Variants in PHYH observed in about 807,000 individuals in gnomAD.
PHYH encodes the protein phytanoyl-CoA 2-hydroxylase, also known as phytanoyl-CoA dioxygenase, peroxisomal.
PHYH carries 32 observed loss-of-function variants against 38.5 expected under a neutral mutation model. The ratio of observed to expected loss-of-function variants is 0.83; its 90% CI spans 0.63 to 1.12. The LOEUF is 1.12. PHYH is among the 50% of genes most tolerant of loss of function. The pLI, the probability that PHYH is intolerant of heterozygous loss-of-function variation, is 0.00. For synonymous variants in PHYH, 166 were observed against 157.9 expected (o/e 1.05, Z -0.38); for missense variants, 426 against 434.8 (o/e 0.98, Z 0.18).
intron 1 of PHYH, chr10:13,299,499 C>A: frequency 1.0e-6 from 1 of 1,003,936 alleles, no homozygotes; most frequent in Non-Finnish European, 1.2e-6. Flanking sequence ...CCCTGGGCAG[C>A]GCCTGCCTGG....
At chr10:13,298,095 T>C in intron 2 of PHYH, 92 bp downstream of exon 2, 1 of 780,882 alleles carries the variant, frequency 1.3e-6, no homozygotes, top group Non-Finnish European at 2.2e-6. Flanking sequence ...AAAATTCTAA[T>C]CAGGTAACAT....
chr10:13,295,431 C>A, intron 3 of PHYH, 65 bp downstream of exon 3: 1 of 871,184 alleles, frequency 1.1e-6, no homozygotes, highest in South Asian at 1.3e-5. Flanking sequence ...AGCGAATCCA[C>A]CTTGTATTCT....
At chr10:13,294,754 ACTGT>A (rs1456868670) in intron 3 of PHYH, 158 bp from the exon 4 acceptor site, 6 of 674,298 alleles carry the variant, frequency 8.9e-6, no homozygotes, top group South Asian at 4.9e-5. Flanking sequence ...GGGAGGAGAA[ACTGT>A]CTGGCTAGAA....
chr10:13,281,209 A>T, intron 7 of PHYH, 99 bp from the exon 8 acceptor site: 1 of 1,242,136 alleles, frequency 8.1e-7, no homozygotes, highest in South Asian at 1.2e-5. Flanking sequence ...TATTTCACTC[A>T]GTATTTGATT....
At chr10:13,287,725 C>T (rs1835588610) in intron 6 of PHYH, among the ~76,000 whole-genome samples, 1 of 152,224 alleles carries the variant, frequency 6.6e-6, no homozygotes, top group Non-Finnish European at 1.5e-5. Context: ...ACAATCTCTC[C>T]TTCCTTACTC....
chr10:13,298,260 A>T lies in PHYH; in HGVS notation c.76-15T>A, dbSNP rs1832627470. The T allele has an allele frequency of 6.4e-7, 1 of 1,553,644 alleles. No individual in the cohort carries two copies. The highest frequency in any genetic ancestry group is 1.4e-5 in the African/African-American group (1 of 73,726). On this transcript the variant is annotated splice_polypyrimidine_tract_variant and intron_variant, in intron 1 of 8. Transcript: ENST00000263038. ...GGATGAGCTACCTAGGATGTGAATTAAGGCAAATAAAGTAAAATATAGAAG... is the reference window on the plus strand; with the variant it reads ...GGATGAGCTACCTAGGATGTGAATTTAGGCAAATAAAGTAAAATATAGAAG...
In PHYH at chr10:13,288,348, G is replaced by C. The variant is rs1039095805; in HGVS notation, c.678+12C>G. ...AGATTCGGATCAAGACTCAGCCGCC[G>C]GGCAGACCTACCTCCCACTTGGGGT... On this transcript the variant is annotated intron_variant, in intron 6 of 8. Coordinates refer to ENST00000263038, the MANE Select transcript of PHYH (RefSeq NM_006214.4). 1.9e-6 allele frequency: 3 copies of C among 1,612,842 alleles called. No individual in the cohort carries two copies. Among genetic ancestry groups the C allele is most frequent in the East Asian group, 4.5e-5 (2 of 44,872 alleles).
chr10:13,298,073 G>A (rs1832612879), intron 2 of PHYH, 114 bp downstream of exon 2: 1 of 726,536 alleles, frequency 1.4e-6, no homozygotes, highest in South Asian at 1.6e-5. Flanking sequence ...GGAAACAGAG[G>A]ATTTGTATAA....
Position 13,295,508 on chromosome 10 carries a change from A to C in PHYH, c.233T>G (p.Ile78Ser). Residue 78 changes from isoleucine (I) to serine (S), a missense_variant, in exon 3 of 9, where the codon ATT becomes AGT. Ile to Ser is a moderately radical substitution (Grantham distance 142, BLOSUM62 -2). Coordinates refer to ENST00000263038, the MANE Select transcript of PHYH (RefSeq NM_006214.4). ...VIKNLVPDAD[I>S]QRFRNEFEKI... is the part of the protein sequence containing the mutation. ...AGTGTTACTGTACCGAAAGCGTTGAATATCGGCATCAGGTACAAGATTTTT... is the reference window on the plus strand; with the variant it reads ...AGTGTTACTGTACCGAAAGCGTTGACTATCGGCATCAGGTACAAGATTTTT... 1 of 1,514,026 alleles carries C rather than the reference A, an allele frequency of 6.6e-7. No individual in the cohort carries two copies. Among genetic ancestry groups the C allele is most frequent in the Non-Finnish European group, 9.2e-7 (1 of 1,088,694 alleles). 93.8% of individuals were successfully genotyped at this position (1,514,026 alleles called of 1,614,324 possible).
chr10:13,288,267 G>T, intron 6 of PHYH, 93 bp downstream of exon 6: 1 of 1,096,496 alleles, frequency 9.1e-7, no homozygotes, highest in South Asian at 1.3e-5. Context: ...GAAAGGAAAT[G>T]CCATCTCATT....
chr10:13,290,791 C>G (rs1042005975), intron 5 of PHYH, among the ~76,000 whole-genome samples: 1 of 152,032 alleles, frequency 6.6e-6, no homozygotes, highest in African/African-American at 2.4e-5. Context: ...TTAGCAAGCA[C>G]AAGACATTTT....
intron 1 of PHYH, among the ~76,000 whole-genome samples, chr10:13,298,764 G>GCTA (rs376757608): frequency 1.9e-5 from 2 of 106,780 alleles, no homozygotes; most frequent in African/African-American, 7.6e-5. Context: ...TACTACTACT[G>GCTA]CTACTACTAC....
intron 8 of PHYH, among the ~76,000 whole-genome samples, chr10:13,279,186 C>A (rs1185313799): frequency 6.6e-6 from 1 of 151,960 alleles, no homozygotes; most frequent in Non-Finnish European, 1.5e-5. Context: ...TTAGTAGAGA[C>A]GGGGTTTCAC....
chr10:13,289,326 G>C (rs566605498), intron 5 of PHYH, among the ~76,000 whole-genome samples: 28 of 152,218 alleles, frequency 1.8e-4, no homozygotes, highest in Admixed American at 1.3e-4. Context: ...CTCCCGAGTA[G>C]CTGGGACTAC....
intron 1 of PHYH, 33 bp from the exon 2 acceptor site, chr10:13,298,278 T>C (rs774207138): frequency 7.0e-7 from 1 of 1,432,184 alleles, no homozygotes. Context: ...TAAAGTAAAA[T>C]ATAGAAGGCC....
intron 1 of PHYH, among the ~76,000 whole-genome samples, chr10:13,299,195 G>A (rs1339183477): frequency 4.0e-5 from 6 of 151,240 alleles, no homozygotes; most frequent in African/African-American, 7.3e-5. Context: ...CTTTCTATCC[G>A]GTAACTGCAG....
At chr10:13,292,652 G>A (rs1240173746) in intron 4 of PHYH, among the ~76,000 whole-genome samples, 3 of 152,152 alleles carry the variant, frequency 2.0e-5, no homozygotes, top group South Asian at 2.1e-4. Flanking sequence ...CAACACTGAG[G>A]TCGGGTGCGT....
At chr10:13,286,297 T>C (rs1482402748) in intron 6 of PHYH, among the ~76,000 whole-genome samples, 4 of 152,120 alleles carry the variant, frequency 2.6e-5, no homozygotes, top group South Asian at 2.1e-4. Flanking sequence ...AAGAGCCGAT[T>C]TGATCCCATC....
At chr10:13,298,600 C>T (rs1250798217) in intron 1 of PHYH, among the ~76,000 whole-genome samples, 1 of 151,876 alleles carries the variant, frequency 6.6e-6, no homozygotes, top group East Asian at 1.9e-4. Flanking sequence ...ACTGGAGAGG[C>T]TAAGACAGGA....
Sources: gnomAD v4.1 joint callset for allele counts (sites outside exome capture counted in the v4.1 genomes callset) on GRCh38, gnomAD v4.1.1 for gene constraint, MANE v1.5 for transcripts, NCBI Gene and HGNC (gene_info 2026-07-23, HGNC 2026-07-21) for gene names.